Variants in MYOM1 observed in about 807,000 individuals in gnomAD.
The protein encoded by MYOM1 is myomesin 1.
In MYOM1, 164 loss-of-function variants were observed where a neutral mutation model predicts 205.3. The observed-to-expected ratio is 0.80, with a 90% CI of 0.70 to 0.91. MYOM1 has a LOEUF of 0.91. Ranked by LOEUF, MYOM1 falls within the 40% of genes least tolerant of loss-of-function variation. The pLI is 0.00. For synonymous variants in MYOM1, 772 were observed against 789.4 expected (o/e 0.98, Z 0.37); for missense variants, 2,011 against 2,127.3 (o/e 0.95, Z 1.08).
chr18:3,131,444 C>T lies in MYOM1; in HGVS notation c.2437G>A (p.Ala813Thr), dbSNP rs2079874729. The change falls in exon 17 of 38, where the codon GCA becomes ACA. Residue 813 changes from alanine to threonine, a missense_variant. By Grantham distance (58) the Ala-to-Thr change is moderately conservative (BLOSUM62 0). Transcript: ENST00000356443. Reference protein sequence around the residue: ...TGQSYIFRVRAVNAAGLSEYS... With the variant: ...TGQSYIFRVRTVNAAGLSEYS... ...TCACTAAGTCCAGCTGCATTGACTG[C>T]TCTGACCCGGAAAATATAACTCTGA... 1 of 1,613,874 alleles carries T rather than the reference C, an allele frequency of 6.2e-7. No homozygotes were observed. The highest frequency in any genetic ancestry group is 8.5e-7 in the Non-Finnish European group (1 of 1,179,820).
the MYOM1 span, among the ~76,000 whole-genome samples, chr18:3,225,950 A>G: frequency 6.6e-6 from 1 of 152,136 alleles, no homozygotes; most frequent in East Asian, 1.9e-4. Context: ...TTCACCAGTG[A>G]TTGTCAGTAA....
At chr18:3,165,743 C>A (rs1304609865) in intron 9 of MYOM1, among the ~76,000 whole-genome samples, 1 of 152,222 alleles carries the variant, frequency 6.6e-6, no homozygotes, top group African/African-American at 2.4e-5. Context: ...GAAGGCCAGG[C>A]AATCTGTCCC....
At chr18:3,132,013 T>G (rs2079882351) in intron 16 of MYOM1, among the ~76,000 whole-genome samples, 1 of 143,750 alleles carries the variant, frequency 7.0e-6, no homozygotes, top group African/African-American at 2.5e-5. Context: ...AGTATTAAAA[T>G]TATTAGTATT....
In MYOM1 at chr18:3,176,031, T is replaced by C. The variant is rs761277628; in HGVS notation, c.1022+11A>G. ...ATGGTGAGCAACACATGGACACTAA[T>C]GTTCTCTTACCCATTAATCTCCAGA... On this transcript the variant is annotated intron_variant, in intron 6 of 37. Coordinates refer to ENST00000356443, the MANE Select transcript of MYOM1 (RefSeq NM_003803.4). 6.6e-7 allele frequency: 1 copy of C among 1,518,126 alleles called. No homozygotes were observed. Among genetic ancestry groups the C allele is most frequent in the Admixed American group, 1.7e-5 (1 of 59,822 alleles). The allele number at this position is 1,518,126 out of a possible 1,614,324, so 94.0% of individuals were successfully genotyped here. A position where few individuals can be genotyped will look rare whatever the true frequency, so the allele number is the denominator to read the frequency against.
intron 8 of MYOM1, among the ~76,000 whole-genome samples, chr18:3,171,276 T>C (rs1375137569): frequency 1.3e-5 from 2 of 152,174 alleles, no homozygotes; most frequent in Non-Finnish European, 2.9e-5. Flanking sequence ...TTTTTATGTG[T>C]TGATGTTCAC....
chr18:3,229,784 A>G, the MYOM1 span, among the ~76,000 whole-genome samples: 17 of 152,258 alleles, frequency 1.1e-4, no homozygotes, highest in East Asian at 3.3e-3. Flanking sequence ...AGCCTGACCA[A>G]CATGGAGAAA....
intron 28 of MYOM1, 128 bp downstream of exon 28, chr18:3,089,409 T>C: frequency 1.3e-6 from 1 of 783,144 alleles, no homozygotes; most frequent in East Asian, 2.8e-5. Flanking sequence ...ATATTTTTAA[T>C]TATTTTAATT....
chr18:3,147,312 A>G (rs1260796278), intron 13 of MYOM1, among the ~76,000 whole-genome samples: 1 of 151,750 alleles, frequency 6.6e-6, no homozygotes, highest in Non-Finnish European at 1.5e-5. Flanking sequence ...GTATGAGATT[A>G]TATCTATAAA....
At chr18:3,217,251 CAG>C (rs1424941679) in intron 1 of MYOM1, 4 of 152,300 alleles carry the variant, frequency 2.6e-5, no homozygotes, top group East Asian at 1.9e-4. Context: ...CTAGAGGTGA[CAG>C]GGGTAGCAGC....
rs768555182 is a variant in MYOM1, at chr18:3,072,370, T to TTTTTG, written c.4709-482_4709-481insCAAAA. The stretch of plus-strand genomic sequence containing the variant: ...CCCGGCTTTTTTTTTTTTTTTTTTT[T>TTTTTG]TGAGGCAGAGTCTCGCTCTGTCACC... On this transcript the variant is annotated intron_variant, in intron 36 of 37. Coordinates refer to ENST00000356443, the MANE Select transcript of MYOM1 (RefSeq NM_003803.4). 2.7e-4 allele frequency among the ~76,000 whole-genome samples: 31 copies of TTTTTG among 115,998 alleles called. 1 individual carries two copies. The highest frequency in any genetic ancestry group is 5.6e-4 in the South Asian group (2 of 3,542). 76.1% of individuals were successfully genotyped at this position (115,998 alleles called of 152,430 possible).
intron 19 of MYOM1, among the ~76,000 whole-genome samples, chr18:3,123,529 T>C (rs898030958): frequency 6.6e-6 from 1 of 151,938 alleles, no homozygotes; most frequent in African/African-American, 2.4e-5. Flanking sequence ...GATTAGAAGG[T>C]TCAATATTTT....
At chr18:3,142,409 ACAC>A (rs2080063759) in intron 13 of MYOM1, among the ~76,000 whole-genome samples, 2 of 152,048 alleles carry the variant, frequency 1.3e-5, no homozygotes, top group Admixed American at 1.3e-4. Context: ...CCACAGGTGC[ACAC>A]CACCACACCT....
At position 3,089,165 on chromosome 18, in the gene MYOM1, A is replaced by G. The variant is rs771843915; in HGVS notation, c.4137+9T>C. 2.3e-5 allele frequency: 36 copies of G among 1,592,286 alleles called. No individual in the cohort carries two copies. Among genetic ancestry groups the G allele is most frequent in the Non-Finnish European group, 2.7e-5 (32 of 1,163,684 alleles). On this transcript the variant is annotated intron_variant, in intron 29 of 37. Coordinates refer to ENST00000356443, the MANE Select transcript of MYOM1 (RefSeq NM_003803.4). Reference sequence around the variant, plus strand: ...TGAATCAAATATTAAAAATTTATCTACCTCTTACCTTGCATTTCAATAGTA... The same window carrying G: ...TGAATCAAATATTAAAAATTTATCTGCCTCTTACCTTGCATTTCAATAGTA...
At chr18:3,205,777 T>C (rs2081117077) in intron 2 of MYOM1, among the ~76,000 whole-genome samples, 1 of 151,810 alleles carries the variant, frequency 6.6e-6, no homozygotes, top group Non-Finnish European at 1.5e-5. Context: ...GTTCACAATG[T>C]ATATACATAT....
chr18:3,155,087 A>G lies in MYOM1; in HGVS notation c.1503T>C (p.Asp501=), dbSNP rs772063775. 8 of 1,610,268 alleles carry G rather than the reference A, an allele frequency of 5.0e-6. No homozygotes were observed. In the South Asian group the frequency reaches 6.6e-5, roughly 13 times the overall value. The change falls in exon 11 of 38, where the codon GAT becomes GAC. Residue 501 remains aspartate (D), a splice_region_variant and synonymous_variant. Transcript: ENST00000356443. ...GGGCTCCTTCAATCTCTGCATCAGC[A>G]TCTGTGGAGACAGAGAAGGATCCCA... The part of the protein sequence containing the change: ...EQYSAYVFVR[D]ADAEIEGAPA...
intron 2 of MYOM1, among the ~76,000 whole-genome samples, chr18:3,211,872 A>T (rs2081194581): frequency 6.6e-6 from 1 of 152,226 alleles, no homozygotes; most frequent in Non-Finnish European, 1.5e-5. Context: ...AGCTAAAAAT[A>T]GACCAAGCCG....
rs955874625 is a variant in MYOM1 at position 3,188,838 on chromosome 18, T to G, written c.681A>C (p.Thr227=). 6.2e-7 allele frequency: 1 copy of G among 1,613,522 alleles called. No homozygotes were observed. The highest frequency in any genetic ancestry group is 1.1e-5 in the South Asian group (1 of 91,048). ...SRQSVVSKQA[T]SALQQEETSE... ...AAGTTTCTTCCTGTTGAAGAGCGGA[T>G]GTGGCCTGTTTGGAAACCACAGACT... Residue 227 remains threonine (T), a synonymous_variant, in exon 4 of 38, where the codon ACA becomes ACC. Transcript: ENST00000356443.
rs1197258534 is a variant in MYOM1, at chr18:3,135,199, C to G, written c.2209+348G>C. 7.1e-6 allele frequency: 2 copies of G among 281,070 alleles called. No individual in the cohort carries two copies. Among genetic ancestry groups the G allele is most frequent in the Non-Finnish European group, 1.4e-5 (2 of 147,442 alleles). 17.4% of individuals were successfully genotyped at this position (281,070 alleles called of 1,614,324 possible). The stretch of plus-strand genomic sequence containing the variant: ...TCTTGGACTCAGGTGATCTGCCTGC[C>G]TCGGCCTCCCAAAGTGCTCAGATTA... On this transcript the variant is annotated intron_variant, in intron 15 of 37. Coordinates refer to ENST00000356443, the MANE Select transcript of MYOM1 (RefSeq NM_003803.4). This position sits in a 1 kb window ranked among gnomAD's most constrained non-coding sequence, Gnocchi z 4.1.
chr18:3,128,822 T>C (rs769287851), intron 18 of MYOM1, among the ~76,000 whole-genome samples: 1 of 152,186 alleles, frequency 6.6e-6, no homozygotes, highest in Non-Finnish European at 1.5e-5. Flanking sequence ...CCTGGTACGA[T>C]GTCACCTTCT....
Sources: gnomAD v4.1 joint callset for allele counts (sites outside exome capture counted in the v4.1 genomes callset) on GRCh38, gnomAD v4.1.1 for gene constraint, Gnocchi (gnomAD v3.1) non-coding constraint, MANE v1.5 for transcripts, NCBI Gene and HGNC (gene_info 2026-07-23, HGNC 2026-07-21) for gene names.